EFNB2: variants seen among roughly 807,000 people sequenced by gnomAD.
EFNB2 encodes the protein ephrin B2.
A neutral mutation model predicts 32.1 loss-of-function variants in EFNB2; 5 were observed. The observed-to-expected ratio is 0.16, with a 90% CI of 0.08 to 0.33. The LOEUF (loss-of-function observed/expected upper bound fraction) is 0.33. Among genes scored for constraint, EFNB2 ranks in the 10% least tolerant of loss-of-function variants. The pLI is 1.00. For synonymous variants in EFNB2, 168 were observed against 166.5 expected, an observed-to-expected ratio of 1.01 and a Z score of -0.07; for missense variants, 263 against 422.6, an observed-to-expected ratio of 0.62 and a Z score of 3.31.
chr13:106,521,796 T>C (rs1170617658), intron 1 of EFNB2, among the ~76,000 whole-genome samples: 3 of 151,820 alleles, frequency 2.0e-5, no homozygotes, highest in Admixed American at 6.6e-5. Flanking sequence ...AACAGAAGTA[T>C]TTATTTAATT....
intron 1 of EFNB2, among the ~76,000 whole-genome samples, chr13:106,530,249 C>T (rs1315089735): frequency 6.6e-6 from 1 of 152,168 alleles, no homozygotes; most frequent in African/African-American, 2.4e-5. Flanking sequence ...CCTCCCCCAG[C>T]CTCCTTCTAA....
chr13:106,529,215 T>C (rs547693982), intron 1 of EFNB2, among the ~76,000 whole-genome samples: 1 of 152,216 alleles, frequency 6.6e-6, no homozygotes, highest in African/African-American at 2.4e-5. Context: ...CTGTTTTCTT[T>C]TCAGATAACC....
intron 1 of EFNB2, chr13:106,519,698 C>A (rs1012853233): frequency 1.3e-5 from 2 of 152,074 alleles, no homozygotes; most frequent in African/African-American, 4.8e-5. Context: ...TCACACACAC[C>A]GCCTTTACCT....
In EFNB2 at chr13:106,518,789, C is replaced by T. The variant is rs947595747; in HGVS notation, c.123-5977G>A. 4.6e-5 allele frequency: 7 copies of T among 152,292 alleles called. No homozygotes were observed. The highest frequency in any genetic ancestry group is 1.7e-4 in the African/African-American group (7 of 41,418). The allele number at this position is 152,292 out of a possible 1,614,324, so 9.4% of individuals were successfully genotyped here. A position where few individuals can be genotyped will look rare whatever the true frequency, so the allele number is the denominator to read the frequency against. On this transcript the variant is annotated intron_variant, in intron 1 of 4. Coordinates refer to ENST00000646441, the MANE Select transcript of EFNB2 (RefSeq NM_004093.4). The surrounding 1 kb of genome is among the most constrained non-coding windows in gnomAD (Gnocchi z 4.1). Reference sequence around the variant, plus strand: ...ACCCACGGCCACTCCATTTTCCCTGCTTCTTTCTTCCTCTGACCATACTAC... The same window carrying T: ...ACCCACGGCCACTCCATTTTCCCTGTTTCTTTCTTCCTCTGACCATACTAC...
intron 2 of EFNB2, among the ~76,000 whole-genome samples, chr13:106,499,084 T>C (rs1489598431): frequency 6.6e-6 from 1 of 152,144 alleles, no homozygotes; most frequent in Non-Finnish European, 1.5e-5. Context: ...TGGTACTAAC[T>C]GAAACTCCAG....
chr13:106,530,779 G>A lies in EFNB2; in HGVS notation c.122+4064C>T, dbSNP rs190838747. Among the ~76,000 whole-genome samples the A allele has an allele frequency of 1.6e-4, 24 of 152,214 alleles. No individual in the cohort carries two copies. In the East Asian group the frequency reaches 4.1e-3, roughly 26 times the overall value. On this transcript the variant is annotated intron_variant, in intron 1 of 4. Transcript: ENST00000646441. ...AGTTTGGTGTCATACTGAAGCTCTC[G>A]GGAGCTACCTGGAAGATTTCAGAGG...
intron 2 of EFNB2, among the ~76,000 whole-genome samples, chr13:106,501,596 CTTT>C (rs753512349): frequency 2.1e-5 from 3 of 143,540 alleles, no homozygotes; most frequent in African/African-American, 2.5e-5. Flanking sequence ...ATTTATTTTC[CTTT>C]TTTTTTTTTT....
Position 106,493,554 on chromosome 13 carries a change from T to C in EFNB2, c.614-126A>G, listed in dbSNP as rs1256868751. ...TTATTACTAACTAGAAGCTGGACTT[T>C]GCCTCGCCAATACCTCGTCTAAGAG... is the stretch of plus-strand genomic sequence containing the variant. On this transcript the variant is annotated intron_variant, in intron 4 of 4. Transcript: ENST00000646441. This position sits in a 1 kb window ranked among gnomAD's most constrained non-coding sequence, Gnocchi z 6.1. 2 of 1,317,410 alleles carry C rather than the reference T, an allele frequency of 1.5e-6. No individual in the cohort carries two copies. The highest frequency in any genetic ancestry group is 1.0e-6 in the Non-Finnish European group (1 of 981,044). 81.6% of individuals were successfully genotyped at this position (1,317,410 alleles called of 1,614,324 possible).
chr13:106,497,257 C>T (rs1167886712), intron 2 of EFNB2, among the ~76,000 whole-genome samples: 1 of 152,138 alleles, frequency 6.6e-6, no homozygotes, highest in Non-Finnish European at 1.5e-5. Flanking sequence ...GCATACATAT[C>T]ACTGTGCTTC....
At chr13:106,499,588 A>T (rs1387960135) in intron 2 of EFNB2, among the ~76,000 whole-genome samples, 1 of 152,176 alleles carries the variant, frequency 6.6e-6, no homozygotes, top group African/African-American at 2.4e-5. Flanking sequence ...TATCAGCGTG[A>T]TCTAATGCAG....
In EFNB2 at chr13:106,512,697, T is replaced by C. The variant is rs1879181697; in HGVS notation, c.238A>G (p.Met80Val). ...VGQYEYYKVY[M>V]VDKDQADRCT... ...CTGTCTGCTTGGTCTTTATCAACCATATAAACTTTATAATATTCATACTGG... is the reference window on the plus strand; with the variant it reads ...CTGTCTGCTTGGTCTTTATCAACCACATAAACTTTATAATATTCATACTGG... The change falls in exon 2 of 5, where the codon ATG becomes GTG. Residue 80 changes from methionine (M) to valine (V), a missense_variant. Met to Val is a conservative substitution (Grantham distance 21). Around this residue, in one of 3 missense-constraint regions of EFNB2, gnomAD observed 45 missense variants for 128.6 expected, o/e 0.35. Coordinates refer to ENST00000646441, the MANE Select transcript of EFNB2 (RefSeq NM_004093.4). The C allele has an allele frequency of 1.9e-6, 3 of 1,613,730 alleles. No individual in the cohort carries two copies. The highest frequency in any genetic ancestry group is 2.5e-6 in the Non-Finnish European group (3 of 1,179,940).
At chr13:106,507,702 G>A (rs1390515581) in intron 2 of EFNB2, among the ~76,000 whole-genome samples, 1 of 152,186 alleles carries the variant, frequency 6.6e-6, no homozygotes, top group Non-Finnish European at 1.5e-5. Flanking sequence ...CTCCAGACTT[G>A]TTCAGTGTTC....
At chr13:106,511,227 C>G (rs1195382377) in intron 2 of EFNB2, among the ~76,000 whole-genome samples, 1 of 152,166 alleles carries the variant, frequency 6.6e-6, no homozygotes, top group Non-Finnish European at 1.5e-5. Context: ...ACCACATTCT[C>G]TCTTTTTTTT....
At chr13:106,531,202 A>C (rs1404428938) in intron 1 of EFNB2, among the ~76,000 whole-genome samples, 1 of 152,184 alleles carries the variant, frequency 6.6e-6, no homozygotes, top group African/African-American at 2.4e-5. Context: ...GTAACTGTTG[A>C]GGTTAAGATG....
chr13:106,513,357 AC>A (rs1000514882), intron 1 of EFNB2, among the ~76,000 whole-genome samples: 2 of 152,246 alleles, frequency 1.3e-5, no homozygotes, highest in Non-Finnish European at 2.9e-5. Flanking sequence ...CACTGATCAA[AC>A]AATGGGTTTT....
chr13:106,495,409 C>G (rs1302952531), intron 3 of EFNB2, among the ~76,000 whole-genome samples: 1 of 152,194 alleles, frequency 6.6e-6, no homozygotes, highest in Non-Finnish European at 1.5e-5. Flanking sequence ...ACTGCACAAG[C>G]TTTTAGTTTT....
At chr13:106,507,846 C>T (rs1159197233) in intron 2 of EFNB2, among the ~76,000 whole-genome samples, 2 of 152,206 alleles carry the variant, frequency 1.3e-5, no homozygotes, top group Non-Finnish European at 2.9e-5. Flanking sequence ...CGGACTATGC[C>T]ACAAGATGTG....
intron 1 of EFNB2, among the ~76,000 whole-genome samples, chr13:106,524,737 C>T (rs1296931988): frequency 6.6e-6 from 1 of 152,168 alleles, no homozygotes; most frequent in African/African-American, 2.4e-5. Flanking sequence ...AAAATGAATT[C>T]AAAGAGCCTC....
intron 2 of EFNB2, among the ~76,000 whole-genome samples, chr13:106,499,634 A>G (rs1566455720): frequency 6.6e-6 from 1 of 152,226 alleles, no homozygotes; most frequent in Admixed American, 6.5e-5. Context: ...ATGAAATCAC[A>G]TTTAATCATT....
Sources: gnomAD v4.1 joint callset for allele counts (sites outside exome capture counted in the v4.1 genomes callset) on GRCh38, gnomAD v4.1.1 for gene constraint, gnomAD v4.1.1 regional missense constraint, Gnocchi (gnomAD v3.1) non-coding constraint, MANE v1.5 for transcripts, NCBI Gene and HGNC (gene_info 2026-07-23, HGNC 2026-07-21) for gene names.